FAM83B: variants seen among roughly 807,000 people sequenced by gnomAD.
FAM83B encodes scaffolding CK1 anchoring protein B.
In FAM83B, 26 loss-of-function variants were observed where a neutral mutation model predicts 38.8. The observed-to-expected ratio is 0.67, with a 90% CI of 0.49 to 0.93. FAM83B has a LOEUF of 0.93. Among genes scored for constraint, FAM83B ranks in the 40% least tolerant of loss-of-function variants. The pLI is 0.00. For missense variants in FAM83B, 1,237 were observed against 1,197.3 expected, an observed-to-expected ratio of 1.03 and a Z score of -0.49; for synonymous variants, 419 against 423.1, an observed-to-expected ratio of 0.99 and a Z score of 0.12.
intron 2 of FAM83B, among the ~76,000 whole-genome samples, chr6:54,897,353 T>G (rs1387824206): frequency 3.3e-5 from 5 of 152,176 alleles, no homozygotes; most frequent in Non-Finnish European, 5.9e-5. Context: ...TGCATTGTTA[T>G]GTATTCTCAG....
intron 1 of FAM83B, among the ~76,000 whole-genome samples, chr6:54,856,573 A>T (rs1581879925): frequency 6.6e-6 from 1 of 151,082 alleles, no homozygotes; most frequent in Non-Finnish European, 1.5e-5. Flanking sequence ...CACATTTAAA[A>T]TATATATTTC....
Position 54,943,880 on chromosome 6 carries a change from T to C in FAM83B, c.*1873T>C, listed in dbSNP as rs1159104149. On this transcript the variant is annotated 3_prime_UTR_variant, in exon 5 of 5. Transcript: ENST00000306858. The stretch of plus-strand genomic sequence containing the variant: ...AATTACAACCAAAAGCCTGTTGCCT[T>C]TTTGTACAGAAATCTCCTTAATTTC... The C allele has an allele frequency of 6.6e-6, 1 of 152,180 alleles. No homozygotes were observed. Among genetic ancestry groups the C allele is most frequent in the Non-Finnish European group, 1.5e-5 (1 of 68,034 alleles). 9.4% of individuals were successfully genotyped at this position (152,180 alleles called of 1,614,324 possible). A position where few individuals can be genotyped will look rare whatever the true frequency, so the allele number is the denominator to read the frequency against.
intron 1 of FAM83B, among the ~76,000 whole-genome samples, chr6:54,851,737 T>A (rs569826111): frequency 7.5e-6 from 1 of 133,146 alleles, no homozygotes; most frequent in Non-Finnish European, 1.6e-5. Flanking sequence ...AAGCTCCGCC[T>A]CCCGGGTTCA....
At position 54,870,664 on chromosome 6, in the gene FAM83B, C is replaced by T. The variant is rs775812746; in HGVS notation, c.418C>T (p.Arg140Trp). The T allele has an allele frequency of 1.4e-5, 23 of 1,594,666 alleles. No homozygotes were observed. Among genetic ancestry groups the T allele is most frequent in the Middle Eastern group, 1.7e-4 (1 of 5,926 alleles). ...TCTACTTACGATAAAAGAAACTATT[C>T]GGAAGATGATAAAAGAAGCAAGAAA... The part of the protein sequence containing the change: ...AHLLTIKETI[R>W]KMIKEARKVI... The change falls in exon 2 of 5, where the codon CGG becomes TGG. Residue 140 changes from arginine to tryptophan, a missense_variant. Arg to Trp is a moderately radical substitution (Grantham distance 101). Transcript: ENST00000306858.
chr6:54,875,154 A>G (rs1393787283), intron 2 of FAM83B, among the ~76,000 whole-genome samples: 2 of 152,108 alleles, frequency 1.3e-5, no homozygotes, highest in Non-Finnish European at 2.9e-5. Context: ...ATGTTTTCAC[A>G]TTTTTTAAAT....
chr6:54,869,021 G>A (rs922866340), intron 1 of FAM83B, among the ~76,000 whole-genome samples: 23 of 152,156 alleles, frequency 1.5e-4, no homozygotes, highest in Non-Finnish European at 3.2e-4. Context: ...CAAAAGACTG[G>A]AAAGTCCATC....
At chr6:54,883,907 T>C (rs993417933) in intron 2 of FAM83B, among the ~76,000 whole-genome samples, 1 of 151,986 alleles carries the variant, frequency 6.6e-6, no homozygotes, top group East Asian at 1.9e-4. Context: ...CAGTGGCTCA[T>C]GCCTGTAATC....
chr6:54,898,298 C>T (rs1772583874), intron 2 of FAM83B, among the ~76,000 whole-genome samples: 1 of 152,120 alleles, frequency 6.6e-6, no homozygotes, highest in Admixed American at 6.6e-5. Context: ...CCCTGTTAGC[C>T]CCCCAGCAGT....
At chr6:54,901,351 C>T (rs1033400566) in intron 2 of FAM83B, among the ~76,000 whole-genome samples, 3 of 151,858 alleles carry the variant, frequency 2.0e-5, no homozygotes, top group Non-Finnish European at 2.9e-5. Context: ...AAGTTTCTCA[C>T]GATTTAAAAA....
At position 54,926,485 on chromosome 6, in the gene FAM83B, C is replaced by A; in HGVS notation, c.559C>A (p.His187Asn). The A allele has an allele frequency of 1.2e-6, 2 of 1,609,296 alleles. No homozygotes were observed. The highest frequency in any genetic ancestry group is 1.7e-6 in the Non-Finnish European group (2 of 1,177,138). The change falls in exon 3 of 5, where the codon CAT becomes AAT. Residue 187 changes from histidine (H) to asparagine (N), a missense_variant. Transcript: ENST00000306858. ...TCTGCTTGATGAGTCCAATTTTAAT[C>A]ATTTTCTAAATATGACTGAGAAACA... ...YILLDESNFN[H>N]FLNMTEKQGC...
chr6:54,915,561 C>A (rs1581919408), intron 2 of FAM83B, among the ~76,000 whole-genome samples: 1 of 90,942 alleles, frequency 1.1e-5, no homozygotes, highest in African/African-American at 7.5e-5. Flanking sequence ...AATCCCAGCA[C>A]TTTGGGAGGC....
intron 1 of FAM83B, among the ~76,000 whole-genome samples, chr6:54,866,886 A>C (rs1342758466): frequency 1.3e-5 from 2 of 152,070 alleles, no homozygotes; most frequent in Non-Finnish European, 2.9e-5. Context: ...AATTTTTATG[A>C]CTTATTTTAT....
intron 1 of FAM83B, among the ~76,000 whole-genome samples, chr6:54,856,940 T>A (rs1354972494): frequency 6.6e-6 from 1 of 152,190 alleles, no homozygotes; most frequent in Admixed American, 6.6e-5. Flanking sequence ...TAATATTATT[T>A]GGCATTCGAA....
chr6:54,899,925 A>C (rs964716262), intron 2 of FAM83B, among the ~76,000 whole-genome samples: 1 of 152,190 alleles, frequency 6.6e-6, no homozygotes, highest in Non-Finnish European at 1.5e-5. Flanking sequence ...AATGACCCAG[A>C]GCATGTATTT....
Position 54,940,879 on chromosome 6 carries a change from C to T in FAM83B, c.1908C>T (p.Asn636=). ...QTTNGHTESN[N]YIYKTLGVNK... is the part of the protein sequence containing the mutation. ...CAAATGGCCATACTGAATCAAATAA[C>T]TATATATATAAAACCTTGGGTGTAA... The change falls in exon 5 of 5, where the codon AAC becomes AAT. Residue 636 remains asparagine, a synonymous_variant. Coordinates refer to ENST00000306858, the MANE Select transcript of FAM83B (RefSeq NM_001010872.3). 2 of 1,613,782 alleles carry T rather than the reference C, an allele frequency of 1.2e-6. No homozygotes were observed. Among genetic ancestry groups the T allele is most frequent in the Non-Finnish European group, 1.7e-6 (2 of 1,179,870 alleles).
rs1773670420 is a variant in FAM83B, at chr6:54,940,981, C to T, written c.2010C>T (p.Asn670=). 3 of 1,613,946 alleles carry T rather than the reference C, an allele frequency of 1.9e-6. No homozygotes were observed. The highest frequency in any genetic ancestry group is 2.5e-6 in the Non-Finnish European group (3 of 1,179,998). ...GGCGAAGTTTCCCGTTATTTGACAA[C>T]TCAAAAGCCAACTTAGATCCTGGAA... ...LKRRSFPLFD[N]SKANLDPGNS... The change falls in exon 5 of 5, where the codon AAC becomes AAT. Residue 670 remains asparagine, a synonymous_variant. Transcript: ENST00000306858.
intron 1 of FAM83B, among the ~76,000 whole-genome samples, chr6:54,865,337 G>A (rs1269175748): frequency 1.3e-5 from 2 of 152,104 alleles, no homozygotes; most frequent in African/African-American, 4.8e-5. Flanking sequence ...TTCTGCCTTT[G>A]TGTCTGTCTC....
intron 2 of FAM83B, among the ~76,000 whole-genome samples, chr6:54,915,953 A>C (rs535064652): frequency 2.2e-4 from 33 of 151,808 alleles, no homozygotes; most frequent in Admixed American, 1.3e-4. Context: ...GTTGTGCCTT[A>C]TAGAATCCAT....
chr6:54,872,633 C>T (rs2221335), intron 2 of FAM83B, among the ~76,000 whole-genome samples: 141,282 of 152,222 alleles, frequency 0.93, 65,680 homozygotes, highest in East Asian at 1. Context: ...GGGCTAGCAC[C>T]CACTGGGAAC....
Sources: allele counts gnomAD v4.1 joint callset (sites outside exome capture counted in the v4.1 genomes callset), GRCh38; gene constraint gnomAD v4.1.1; transcripts MANE v1.5; gene names NCBI Gene and HGNC (gene_info 2026-07-23, HGNC 2026-07-21).